Variants in GSAP observed in about 807,000 individuals in gnomAD.
GSAP encodes the protein gamma-secretase-activating protein.
In GSAP, 118 loss-of-function variants were observed where a neutral mutation model predicts 131.7. The observed-to-expected ratio is 0.90, with a 90% CI of 0.77 to 1.04. The LOEUF (loss-of-function observed/expected upper bound fraction) is 1.04. GSAP is among the 50% of genes least tolerant of loss of function. GSAP has a pLI of 0.00. For missense variants in GSAP, 1,019 were observed against 1,013.2 expected (o/e 1.01, Z -0.08); for synonymous variants, 381 against 363.4 (o/e 1.05, Z -0.55).
intron 7 of GSAP, 113 bp from the exon 8 acceptor site, chr7:77,381,467 G>T: frequency 1.9e-6 from 1 of 514,704 alleles, no homozygotes. Flanking sequence ...TTGAACAACT[G>T]GCCAGAAAAA....
chr7:77,365,701 C>T (rs780153042), intron 12 of GSAP, among the ~76,000 whole-genome samples: 64 of 152,076 alleles, frequency 4.2e-4, no homozygotes, highest in Non-Finnish European at 6.0e-4. Flanking sequence ...CATTTGCATA[C>T]GTATATCTTT....
At chr7:77,339,217 G>A (rs1019248813) in intron 19 of GSAP, among the ~76,000 whole-genome samples, 3 of 152,132 alleles carry the variant, frequency 2.0e-5, no homozygotes, top group Non-Finnish European at 4.4e-5. Flanking sequence ...TGGGACTTGG[G>A]GGTAGAAGAA....
At chr7:77,395,062 T>C (rs1051424208) in intron 5 of GSAP, among the ~76,000 whole-genome samples, 1 of 152,256 alleles carries the variant, frequency 6.6e-6, no homozygotes, top group African/African-American at 2.4e-5. Flanking sequence ...TAGACTTTAA[T>C]GTTGTAATCA....
intron 10 of GSAP, among the ~76,000 whole-genome samples, chr7:77,376,610 C>T (rs1392539085): frequency 6.6e-6 from 1 of 151,636 alleles, no homozygotes; most frequent in Non-Finnish European, 1.5e-5. Flanking sequence ...CCTGTCTCTA[C>T]AAAAAATACA....
chr7:77,398,584 C>T (rs763849539), intron 3 of GSAP, among the ~76,000 whole-genome samples: 2 of 152,210 alleles, frequency 1.3e-5, no homozygotes, highest in South Asian at 2.1e-4. Flanking sequence ...CTGGACACCA[C>T]GACAAAATCC....
intron 1 of GSAP, among the ~76,000 whole-genome samples, chr7:77,414,844 C>CTTTTT (rs57095326): frequency 0.014 from 816 of 59,836 alleles, 168 homozygotes; most frequent in African/African-American, 0.035. Context: ...ATGTGGGCGA[C>CTTTTT]TTTTTTTTTT....
chr7:77,399,289 T>C (rs986458892), intron 3 of GSAP, among the ~76,000 whole-genome samples: 1 of 152,204 alleles, frequency 6.6e-6, no homozygotes, highest in South Asian at 2.1e-4. Context: ...TACTTCAGTA[T>C]TGGCTTGATC....
intron 16 of GSAP, among the ~76,000 whole-genome samples, chr7:77,354,971 T>C (rs1247737021): frequency 6.6e-6 from 1 of 152,116 alleles, no homozygotes; most frequent in Non-Finnish European, 1.5e-5. Flanking sequence ...ATTACTGACA[T>C]AGCTAAACTT....
intron 19 of GSAP, among the ~76,000 whole-genome samples, chr7:77,337,974 G>A (rs970838754): frequency 6.6e-6 from 1 of 151,976 alleles, no homozygotes; most frequent in Non-Finnish European, 1.5e-5. Flanking sequence ...AACATACCAA[G>A]ACCCTGTCTC....
chr7:77,328,535 G>A (rs1788642166), intron 22 of GSAP, 71 bp downstream of exon 22: 1 of 1,570,636 alleles, frequency 6.4e-7, no homozygotes, highest in African/African-American at 1.4e-5. Context: ...ACCCACAGTG[G>A]TAGGAAGAAC....
chr7:77,355,787 G>GTT (rs11353263), intron 14 of GSAP, 140 bp from the exon 15 acceptor site: 1,222 of 293,602 alleles, frequency 4.2e-3, no homozygotes, highest in South Asian at 6.7e-3. Context: ...ATGACAGCCC[G>GTT]TTTTTTTTTT....
At chr7:77,402,593 C>CAAAAAAAAAA (rs56739649) in intron 3 of GSAP, among the ~76,000 whole-genome samples, 39 of 24,758 alleles carry the variant, frequency 1.6e-3, no homozygotes, top group African/African-American at 2.4e-3. Flanking sequence ...GACTCTGTCT[C>CAAAAAAAAAA]AAAAAAAAAA....
At chr7:77,325,662 C>G (rs1788235225) in intron 23 of GSAP, among the ~76,000 whole-genome samples, 1 of 152,202 alleles carries the variant, frequency 6.6e-6, no homozygotes, top group South Asian at 2.1e-4. Context: ...CCTCCACTTC[C>G]TGGGTTCAAG....
Position 77,371,559 on chromosome 7 carries a change from T to C in GSAP, c.871+2511A>G, listed in dbSNP as rs572443943. Reference sequence around the variant, plus strand: ...AAGCGATTTTCCTGCCTCAGCCTCCTGAGTAGCTGGGACTACAGGCACGTG... The same window carrying C: ...AAGCGATTTTCCTGCCTCAGCCTCCCGAGTAGCTGGGACTACAGGCACGTG... On this transcript the variant is annotated intron_variant, in intron 12 of 30. Coordinates refer to ENST00000257626, the MANE Select transcript of GSAP (RefSeq NM_017439.4). 5.9e-5 allele frequency among the ~76,000 whole-genome samples: 9 copies of C among 152,040 alleles called. No individual in the cohort carries two copies. In the South Asian group the frequency reaches 1.0e-3, roughly 18 times the overall value.
chr7:77,314,221 T>G (rs1021431967), intron 27 of GSAP, 149 bp downstream of exon 27: 2 of 717,260 alleles, frequency 2.8e-6, no homozygotes, highest in African/African-American at 3.5e-5. Flanking sequence ...TACTAAGAAT[T>G]TCAAGATGTA....
intron 16 of GSAP, among the ~76,000 whole-genome samples, chr7:77,354,609 G>T (rs920799809): frequency 1.3e-5 from 2 of 151,922 alleles, no homozygotes; most frequent in African/African-American, 4.8e-5. Flanking sequence ...ACAAAGAAAG[G>T]CTTGAGTCAA....
At chr7:77,373,893 A>G (rs1796472473) in intron 12 of GSAP, among the ~76,000 whole-genome samples, 177 bp downstream of exon 12, 1 of 152,244 alleles carries the variant, frequency 6.6e-6, no homozygotes, top group Non-Finnish European at 1.5e-5. Context: ...GGCTTCCTCA[A>G]TACAGACAGT....
At chr7:77,381,062 C>T (rs1003097443) in intron 8 of GSAP, among the ~76,000 whole-genome samples, 3 of 152,172 alleles carry the variant, frequency 2.0e-5, no homozygotes, top group African/African-American at 7.2e-5. Context: ...TGTGGAAAGA[C>T]ACACAGGCTG....
In GSAP at chr7:77,355,393, A is replaced by G. The variant is rs1793513416; in HGVS notation, c.1158T>C (p.Pro386=). The G allele has an allele frequency of 1.2e-6, 2 of 1,611,388 alleles. No homozygotes were observed. The highest frequency in any genetic ancestry group is 1.7e-6 in the Non-Finnish European group (2 of 1,177,884). ...CCAGGGACCCTGACAATGACTGTAA[A>G]GGGCAATGAGGTAGCATATCAATCA... The part of the protein sequence containing the change: ...NEMIDMLPHC[P]LQSLSGSLVL... The change falls in exon 16 of 31, where the codon CCT becomes CCC. Residue 386 remains proline, a synonymous_variant. Transcript: ENST00000257626.
Sources: allele counts gnomAD v4.1 joint callset (sites outside exome capture counted in the v4.1 genomes callset), GRCh38; gene constraint gnomAD v4.1.1; transcripts MANE v1.5; gene names NCBI Gene and HGNC (gene_info 2026-07-23, HGNC 2026-07-21).